Variants in MMP24 observed in about 807,000 individuals in gnomAD.
MMP24 encodes matrix metalloproteinase-24.
In MMP24, 25 loss-of-function variants were observed where a neutral mutation model predicts 62.8. That is an observed-to-expected ratio of 0.40 (90% CI 0.29 to 0.56). MMP24 has a LOEUF of 0.56. Ranked by LOEUF, MMP24 falls within the 20% of genes least tolerant of loss-of-function variation. The pLI, the probability that MMP24 is intolerant of heterozygous loss-of-function variation, is 0.50. For missense variants in MMP24, 634 were observed against 853.6 expected, an observed-to-expected ratio of 0.74 and a Z score of 3.21; for synonymous variants, 319 against 350.5, an observed-to-expected ratio of 0.91 and a Z score of 1.00.
intron 1 of MMP24, among the ~76,000 whole-genome samples, chr20:35,236,928 C>T (rs934609761): frequency 2.0e-5 from 3 of 148,048 alleles, no homozygotes; most frequent in Non-Finnish European, 4.4e-5. Context: ...GAGCCAAGAT[C>T]GCACCACTGC....
intron 2 of MMP24, among the ~76,000 whole-genome samples, chr20:35,249,595 TTTTTTTTTTTTGAGACGGAGTC>T (rs2060533901): frequency 6.6e-6 from 1 of 151,178 alleles, no homozygotes; most frequent in Non-Finnish European, 1.5e-5. Context: ...ATAATTTCTT[TTTTTTTTTTTTGAGACGGAGTC>T]TCGCTCTGTC....
chr20:35,249,755 AT>A (rs887475693), intron 2 of MMP24, among the ~76,000 whole-genome samples: 128 of 145,196 alleles, frequency 8.8e-4, no homozygotes, highest in Non-Finnish European at 1.0e-3. Flanking sequence ...CGCCCGGCTA[AT>A]TTTTTTTTTT....
At chr20:35,264,022 G>T in intron 5 of MMP24, 70 bp downstream of exon 5, 3 of 1,482,976 alleles carry the variant, frequency 2.0e-6, no homozygotes, top group Non-Finnish European at 2.7e-6. Context: ...CTGTCATGGG[G>T]CAGGGGACGA....
Position 35,254,743 on chromosome 20 carries a change from C to T in MMP24, c.806C>T (p.Ala269Val). ...GATGAGCCATGGACGCTAGGAAATG[C>T]CAACCATGACGGTAAGGCCATGAGG... ...DSDEPWTLGNANHDGNDLFLV... is the reference protein window; with the variant it reads ...DSDEPWTLGNVNHDGNDLFLV... The change falls in exon 4 of 9, where the codon GCC becomes GTC. Residue 269 changes from alanine to valine, a missense_variant. Around this residue, in one of 3 missense-constraint regions of MMP24, gnomAD observed 399 missense variants for 530.8 expected, o/e 0.75. Coordinates refer to ENST00000246186, the MANE Select transcript of MMP24 (RefSeq NM_006690.4). 1 of 1,611,514 alleles carries T rather than the reference C, an allele frequency of 6.2e-7. No individual in the cohort carries two copies. The highest frequency in any genetic ancestry group is 8.5e-7 in the Non-Finnish European group (1 of 1,178,354).
intron 8 of MMP24, among the ~76,000 whole-genome samples, chr20:35,273,124 C>G (rs986185710): frequency 1.3e-5 from 2 of 151,922 alleles, no homozygotes; most frequent in Non-Finnish European, 2.9e-5. Flanking sequence ...GCAACAGACG[C>G]TATAAGGGAA....
chr20:35,267,460 CTTTCCTCCTCCTCCCCGACA>C, intron 6 of MMP24, 41 bp downstream of exon 6: 1 of 1,517,216 alleles, frequency 6.6e-7, no homozygotes, highest in Non-Finnish European at 9.0e-7. Context: ...GGCCCCTGAC[CTTTCCTCCTCCTCCCCGACA>C]TCATGGAGCT....
At chr20:35,239,152 T>C (rs1040118141) in intron 1 of MMP24, among the ~76,000 whole-genome samples, 2 of 151,934 alleles carry the variant, frequency 1.3e-5, no homozygotes, top group African/African-American at 4.8e-5. Flanking sequence ...GGTCAAGCGA[T>C]TCTCCTGCCT....
rs530500504 is a variant in MMP24 at position 35,276,079 on chromosome 20, G to A, written c.*1470G>A. ...GTCTCCAGCGTGCTGGCCGGGTCTC[G>A]GATGCCACCCCTGCTCACTGAGCCT... is the stretch of plus-strand genomic sequence containing the variant. On this transcript the variant is annotated 3_prime_UTR_variant, in exon 9 of 9. Coordinates refer to ENST00000246186, the MANE Select transcript of MMP24 (RefSeq NM_006690.4). 4.0e-5 allele frequency: 16 copies of A among 398,704 alleles called. No homozygotes were observed. The highest frequency in any genetic ancestry group is 1.8e-4 in the African/African-American group (9 of 48,736). 24.7% of individuals were successfully genotyped at this position (398,704 alleles called of 1,614,324 possible).
rs1263094199 is a variant in MMP24 at position 35,264,020 on chromosome 20, G to C, written c.979+68G>C. 4.7e-6 allele frequency: 7 copies of C among 1,489,364 alleles called. No individual in the cohort carries two copies. In the Admixed American group the frequency reaches 6.5e-5, roughly 14 times the overall value. 92.3% of individuals were successfully genotyped at this position (1,489,364 alleles called of 1,614,324 possible). A position where few individuals can be genotyped will look rare whatever the true frequency, so the allele number is the denominator to read the frequency against. On this transcript the variant is annotated intron_variant, in intron 5 of 8. Transcript: ENST00000246186. Reference sequence around the variant, plus strand: ...GGGCTGTGACTGCCTACCTGTCATGGGGCAGGGGACGAGGGAGGGGGACGT... The same window carrying C: ...GGGCTGTGACTGCCTACCTGTCATGCGGCAGGGGACGAGGGAGGGGGACGT...
rs1283440754 is a variant in MMP24, at chr20:35,244,735, C to G, written c.247-2105C>G. 2.7e-5 allele frequency among the ~76,000 whole-genome samples: 4 copies of G among 150,318 alleles called. No homozygotes were observed. In the East Asian group the frequency reaches 7.8e-4, roughly 29 times the overall value. On this transcript the variant is annotated intron_variant, in intron 1 of 8. Coordinates refer to ENST00000246186, the MANE Select transcript of MMP24 (RefSeq NM_006690.4). ...GATTACAGGCATGAGCCACCGCGCC[C>G]AGCCGGGAATAATCTTTACTTGCTA...
intron 5 of MMP24, among the ~76,000 whole-genome samples, chr20:35,266,243 T>C (rs913452623): frequency 5.5e-5 from 8 of 145,968 alleles, no homozygotes; most frequent in Non-Finnish European, 8.9e-5. Context: ...TCCCAGCTAC[T>C]TGGGAGGATG....
chr20:35,234,598 T>C (rs947233763), intron 1 of MMP24, among the ~76,000 whole-genome samples: 1 of 152,022 alleles, frequency 6.6e-6, no homozygotes. Flanking sequence ...AGAGTACATA[T>C]GGGAAAGGAG....
rs765314360 is a variant in MMP24, at chr20:35,246,955, C to T, written c.362C>T (p.Pro121Leu). 2.2e-5 allele frequency: 36 copies of T among 1,614,052 alleles called. No homozygotes were observed. Among genetic ancestry groups the T allele is most frequent in the African/African-American group, 1.3e-4 (10 of 75,060 alleles). The stretch of plus-strand genomic sequence containing the variant: ...ACTATGCAGCAGTTTTACGGGATCC[C>T]GGTCACCGGTGTGTTGGATCAGACA... The part of the protein sequence containing the change: ...VSTMQQFYGI[P>L]VTGVLDQTTI... The change falls in exon 2 of 9, where the codon CCG becomes CTG. Residue 121 changes from proline (P) to leucine (L), a missense_variant. This residue lies in a region of MMP24 where 212 missense variants were observed against 259.6 expected (regional missense o/e 0.82). Coordinates refer to ENST00000246186, the MANE Select transcript of MMP24 (RefSeq NM_006690.4).
At chr20:35,233,541 T>TGAAA (rs1418311048) in intron 1 of MMP24, among the ~76,000 whole-genome samples, 1 of 152,208 alleles carries the variant, frequency 6.6e-6, no homozygotes, top group Non-Finnish European at 1.5e-5. Flanking sequence ...TCTGAATGAC[T>TGAAA]GAAATATTGA....
chr20:35,239,876 G>T (rs955658697), intron 1 of MMP24, among the ~76,000 whole-genome samples: 16 of 152,110 alleles, frequency 1.1e-4, no homozygotes, highest in African/African-American at 3.9e-4. Context: ...AGAGTCACAG[G>T]TCATATGAGG....
chr20:35,268,844 G>A (rs1402780610), intron 6 of MMP24, among the ~76,000 whole-genome samples: 2 of 152,030 alleles, frequency 1.3e-5, no homozygotes, highest in African/African-American at 2.4e-5. Flanking sequence ...TGGCTAACAT[G>A]GTGAAACCCC....
intron 1 of MMP24, among the ~76,000 whole-genome samples, chr20:35,237,838 G>A (rs2060470950): frequency 6.6e-6 from 1 of 152,194 alleles, no homozygotes; most frequent in South Asian, 2.1e-4. Flanking sequence ...GTCTAACTCT[G>A]TGGAGGAGGC....
intron 5 of MMP24, among the ~76,000 whole-genome samples, chr20:35,266,063 C>T (rs980209924): frequency 4.7e-5 from 7 of 148,430 alleles, no homozygotes; most frequent in South Asian, 2.2e-4. Flanking sequence ...GGGTATTGGG[C>T]GTGGTGGCTC....
At chr20:35,257,978 T>C (rs867954988) in intron 4 of MMP24, among the ~76,000 whole-genome samples, 2 of 152,170 alleles carry the variant, frequency 1.3e-5, no homozygotes, top group Non-Finnish European at 2.9e-5. Context: ...AATTTCCACA[T>C]AGACTCAGCA....
Sources: gnomAD v4.1 joint callset for allele counts (sites outside exome capture counted in the v4.1 genomes callset) on GRCh38, gnomAD v4.1.1 for gene constraint, gnomAD v4.1.1 regional missense constraint, MANE v1.5 for transcripts, NCBI Gene and HGNC (gene_info 2026-07-23, HGNC 2026-07-21) for gene names.